Variants in PRRC2B observed in about 807,000 individuals in gnomAD.
The protein encoded by PRRC2B is protein PRRC2B.
A neutral mutation model predicts 242.3 loss-of-function variants in PRRC2B; 68 were observed. The observed-to-expected ratio is 0.28, with a 90% CI of 0.23 to 0.34. PRRC2B has a LOEUF of 0.34. Among genes scored for constraint, PRRC2B ranks in the 10% least tolerant of loss-of-function variants. The pLI, the probability that PRRC2B is intolerant of heterozygous loss-of-function variation, is 1.00. For missense variants in PRRC2B, 2,835 were observed against 2,954.8 expected, an observed-to-expected ratio of 0.96 and a Z score of 0.94; for synonymous variants, 1,228 against 1,173.6, an observed-to-expected ratio of 1.05 and a Z score of -0.95.
At position 131,444,265 on chromosome 9, in the gene PRRC2B, G is replaced by T; in HGVS notation, c.550G>T (p.Ala184Ser). The part of the protein sequence containing the change: ...TLKAAGGQDK[A>S]GKEKGVLDLS... Reference sequence around the variant, plus strand: ...GAAAGCAGCTGGAGGGCAGGACAAGGCTGGCAAAGAAAAGGGCGTCTTAGA... The same window carrying T: ...GAAAGCAGCTGGAGGGCAGGACAAGTCTGGCAAAGAAAAGGGCGTCTTAGA... Residue 184 changes from alanine (A) to serine (S), a missense_variant, in exon 6 of 32, where the codon GCT (alanine) becomes TCT (serine). Physicochemically the swap from Ala to Ser is moderately conservative, Grantham distance 99 (BLOSUM62 1). Around this residue, in one of 7 missense-constraint regions of PRRC2B, gnomAD observed 626 missense variants for 685.5 expected, o/e 0.91. Transcript: ENST00000683519. The T allele has an allele frequency of 1.9e-6, 3 of 1,613,958 alleles. No individual in the cohort carries two copies. Among genetic ancestry groups the T allele is most frequent in the Non-Finnish European group, 2.5e-6 (3 of 1,179,856 alleles).
intron 9 of PRRC2B, among the ~76,000 whole-genome samples, chr9:131,453,544 G>C (rs1188421436): frequency 1.3e-5 from 2 of 152,098 alleles, no homozygotes; most frequent in African/African-American, 2.4e-5. Context: ...AGTTAGCCTT[G>C]TGTTTGAGGC....
At chr9:131,430,509 CTATAGAT>C (rs1838109154) in intron 2 of PRRC2B, among the ~76,000 whole-genome samples, 1 of 57,652 alleles carries the variant, frequency 1.7e-5, no homozygotes, top group Admixed American at 2.0e-4. Context: ...CTATAGATAT[CTATAGAT>C]AGATAGATAG....
intron 11 of PRRC2B, among the ~76,000 whole-genome samples, chr9:131,459,970 CAAAAAA>C (rs34696844): frequency 9.2e-5 from 8 of 87,090 alleles, no homozygotes; most frequent in Middle Eastern, 4.8e-3. Flanking sequence ...ACCCTATCTC[CAAAAAA>C]AAAAAAAAAA....
At chr9:131,460,027 A>G (rs1335356218) in intron 11 of PRRC2B, among the ~76,000 whole-genome samples, 1 of 151,966 alleles carries the variant, frequency 6.6e-6, no homozygotes, top group African/African-American at 2.4e-5. Flanking sequence ...TCAAAGTGAT[A>G]GAAAAGTTGG....
At position 131,496,032 on chromosome 9, in the gene PRRC2B, C is replaced by T; in HGVS notation, c.*158C>T. On this transcript the variant is annotated 3_prime_UTR_variant, in exon 32 of 32. Transcript: ENST00000683519. ...TCTCCACTCCCGAAAGCTCCGTTGT[C>T]AACCAGCTTGCACCCGTGGATATAT... 1 of 1,028,138 alleles carries T rather than the reference C, an allele frequency of 9.7e-7. No homozygotes were observed. The highest frequency in any genetic ancestry group is 1.4e-6 in the Non-Finnish European group (1 of 724,422). 63.7% of individuals were successfully genotyped at this position (1,028,138 alleles called of 1,614,324 possible). A position where few individuals can be genotyped will look rare whatever the true frequency, so the allele number is the denominator to read the frequency against.
chr9:131,415,261 G>C (rs1474593064), intron 1 of PRRC2B, among the ~76,000 whole-genome samples: 4 of 152,186 alleles, frequency 2.6e-5, no homozygotes, highest in Non-Finnish European at 5.9e-5. Flanking sequence ...TCCCAAAGTG[G>C]TGGGATTTTC....
intron 8 of PRRC2B, 30 bp from the exon 9 acceptor site, chr9:131,447,632 A>G (rs1471503236): frequency 1.3e-6 from 2 of 1,562,032 alleles, no homozygotes; most frequent in Non-Finnish European, 1.7e-6. Flanking sequence ...TGTATACTGG[A>G]CATGATTCCA....
chr9:131,481,725 G>A lies in PRRC2B; in HGVS notation c.4901-1G>A. 1 of 1,559,678 alleles carries A rather than the reference G, an allele frequency of 6.4e-7. No individual in the cohort carries two copies. Among genetic ancestry groups the A allele is most frequent in the Non-Finnish European group, 8.7e-7 (1 of 1,152,224 alleles). ...CTGACTCTGTCTTCCTCCCCTGGCA[G>A]CTCTCCCTGTGCAGGCCCCAGCCAA... On this transcript the variant is annotated splice_acceptor_variant, in intron 19 of 31. Coordinates refer to ENST00000683519, the MANE Select transcript of PRRC2B (RefSeq NM_013318.4). LOFTEE classifies it high-confidence loss of function.
intron 9 of PRRC2B, among the ~76,000 whole-genome samples, chr9:131,452,862 A>G (rs1395334976): frequency 2.0e-5 from 3 of 152,184 alleles, no homozygotes; most frequent in Admixed American, 2.0e-4. Context: ...TCTGTCTTGG[A>G]GAATATTTCA....
Position 131,474,639 on chromosome 9 carries a change from T to G in PRRC2B, c.2510T>G (p.Val837Gly). The change falls in exon 16 of 32, where the codon GTT (valine) becomes GGT (glycine). Residue 837 changes from valine (V) to glycine (G), a missense_variant. Physicochemically the swap from Val to Gly is moderately radical, Grantham distance 109. This residue lies in a region of PRRC2B where 1,536 missense variants were observed against 1,483.1 expected (regional missense o/e 1.04). Transcript: ENST00000683519. ...CTTTTGTTTCCACCCCAAGAAAATG[T>G]TCAGGATGCAGGTGCTCCTGGGGGT... The part of the protein sequence containing the change: ...QELLFPPQEN[V>G]QDAGAPGGHT... 1 of 1,613,904 alleles carries G rather than the reference T, an allele frequency of 6.2e-7. No homozygotes were observed. The highest frequency in any genetic ancestry group is 8.5e-7 in the Non-Finnish European group (1 of 1,179,858).
intron 5 of PRRC2B, among the ~76,000 whole-genome samples, chr9:131,443,081 G>T (rs1181318913): frequency 6.6e-6 from 1 of 151,818 alleles, no homozygotes; most frequent in Non-Finnish European, 1.5e-5. Flanking sequence ...CACATTTGAT[G>T]GTAGAAAGCA....
chr9:131,383,730 T>C (rs1836791842), intron 1 of PRRC2B, among the ~76,000 whole-genome samples: 1 of 150,980 alleles, frequency 6.6e-6, no homozygotes, highest in Non-Finnish European at 1.5e-5. Context: ...CAAATGATTC[T>C]CCAGCCTCAG....
intron 28 of PRRC2B, 100 bp from the exon 29 acceptor site, chr9:131,491,325 A>G: frequency 8.6e-7 from 1 of 1,169,368 alleles, no homozygotes; most frequent in Admixed American, 2.6e-5. Context: ...AGTTCTTCTG[A>G]AGTGTATGAA....
Position 131,475,900 on chromosome 9 carries a change from A to T in PRRC2B, c.3771A>T (p.Pro1257=), listed in dbSNP as rs767121735. The T allele has an allele frequency of 6.2e-7, 1 of 1,613,904 alleles. No homozygotes were observed. The highest frequency in any genetic ancestry group is 2.2e-5 in the East Asian group (1 of 44,854). Reference sequence around the variant, plus strand: ...GACCTACAGACAGAGACTATGTCCCAGATTCCTACAGACACCCTGACGCAT... The same window carrying T: ...GACCTACAGACAGAGACTATGTCCCTGATTCCTACAGACACCCTGACGCAT... ...SRRPTDRDYV[P]DSYRHPDAFG... The change falls in exon 16 of 32, where the codon CCA becomes CCT. Residue 1257 remains proline (P), a synonymous_variant. Transcript: ENST00000683519.
At position 131,500,121 on chromosome 9, in the gene PRRC2B, C is replaced by G. The variant is rs1944426048; in HGVS notation, c.*4247C>G. On this transcript the variant is annotated 3_prime_UTR_variant, in exon 32 of 32. Coordinates refer to ENST00000683519, the MANE Select transcript of PRRC2B (RefSeq NM_013318.4). ...GTTCAGTACCTATTGTTTCTCCTTT[C>G]AAATATGTGATTGTACTAGCTCTTT... 1 of 152,160 alleles carries G rather than the reference C, an allele frequency of 6.6e-6. No individual in the cohort carries two copies. The highest frequency in any genetic ancestry group is 2.1e-4 in the South Asian group (1 of 4,820). 9.4% of individuals were successfully genotyped at this position (152,160 alleles called of 1,614,324 possible). A position where few individuals can be genotyped will look rare whatever the true frequency, so the allele number is the denominator to read the frequency against.
chr9:131,460,716 T>C (rs935454767), intron 11 of PRRC2B, among the ~76,000 whole-genome samples: 9 of 152,198 alleles, frequency 5.9e-5, no homozygotes, highest in African/African-American at 2.2e-4. Flanking sequence ...CCATTGGGTG[T>C]TCCTTCAGGC....
At chr9:131,435,542 G>C (rs911245782) in intron 3 of PRRC2B, among the ~76,000 whole-genome samples, 1 of 151,714 alleles carries the variant, frequency 6.6e-6, no homozygotes, top group Admixed American at 6.6e-5. Flanking sequence ...TTGAACCTGG[G>C]AGAAAGAGGT....
intron 8 of PRRC2B, 125 bp downstream of exon 8, chr9:131,447,331 G>T (rs1158060829): frequency 1.1e-5 from 14 of 1,222,336 alleles, no homozygotes; most frequent in African/African-American, 1.5e-5. Flanking sequence ...AACCAGCTCA[G>T]CGTGGCAGGG....
chr9:131,416,114 C>CTT (rs562809102), intron 1 of PRRC2B, among the ~76,000 whole-genome samples: 38 of 145,306 alleles, frequency 2.6e-4, no homozygotes, highest in African/African-American at 7.5e-4. Flanking sequence ...TCTTTTCTTT[C>CTT]TTTTTTTTTT....
Sources: allele counts gnomAD v4.1 joint callset (sites outside exome capture counted in the v4.1 genomes callset), GRCh38; gene constraint gnomAD v4.1.1; regional missense constraint gnomAD v4.1.1; transcripts MANE v1.5; gene names NCBI Gene and HGNC (gene_info 2026-07-23, HGNC 2026-07-21).